The following ANK2 variants were observed in gnomAD, a reference collection of about 807,000 sequenced individuals.
ANK2 encodes the protein ankyrin 2.
In ANK2, 83 loss-of-function variants were observed where a neutral mutation model predicts 360.5. The observed-to-expected ratio is 0.23, with a 90% CI of 0.19 to 0.28. ANK2 has a LOEUF of 0.28. Ranked by LOEUF, ANK2 falls within the 10% of genes least tolerant of loss-of-function variation. ANK2 has a pLI of 1.00. For synonymous variants in ANK2, 1,740 were observed against 1,759.5 expected (o/e 0.99, Z 0.28); for missense variants, 4,201 against 4,795.7 (o/e 0.88, Z 3.66).
At chr4:112,783,085 T>A in the ANK2 span, among the ~76,000 whole-genome samples, 1 of 151,948 alleles carries the variant, frequency 6.6e-6, no homozygotes. Flanking sequence ...AATTTTTGTA[T>A]TTTTAGTAGA....
At chr4:113,251,421 T>TG (rs1440172131) in intron 10 of ANK2, among the ~76,000 whole-genome samples, 1 of 151,874 alleles carries the variant, frequency 6.6e-6, no homozygotes, top group Non-Finnish European at 1.5e-5. Flanking sequence ...AGATACAATT[T>TG]GCCAGGCAAG....
At chr4:112,814,168 A>G (rs1329987394), upstream of ANK2, among the ~76,000 whole-genome samples, 4 of 152,244 alleles carry the variant, frequency 2.6e-5, no homozygotes, top group East Asian at 1.9e-4. Context: ...TATCTTGCCT[A>G]AACACTATTA....
the ANK2 span, among the ~76,000 whole-genome samples, chr4:112,712,076 TTTTA>T: frequency 9.4e-5 from 14 of 148,698 alleles, no homozygotes; most frequent in Non-Finnish European, 1.6e-4. Flanking sequence ...ATATATTTAT[TTTTA>T]TTTATTTATT....
intron 1 of ANK2, chr4:113,071,836 A>G (rs193007592): frequency 6.6e-6 from 1 of 152,498 alleles, no homozygotes; most frequent in Non-Finnish European, 1.5e-5. Flanking sequence ...TAATTAACTC[A>G]CAGTTCCCAG....
At chr4:113,126,657 G>A (rs1208005805) in intron 1 of ANK2, among the ~76,000 whole-genome samples, 2 of 152,106 alleles carry the variant, frequency 1.3e-5, no homozygotes, top group East Asian at 1.9e-4. Flanking sequence ...GAAATCACAC[G>A]TTTCCATTAC....
chr4:112,955,833 T>A (rs2095305855), intron 2 of ANK2, among the ~76,000 whole-genome samples: 1 of 152,222 alleles, frequency 6.6e-6, no homozygotes, highest in South Asian at 2.1e-4. Flanking sequence ...ATGGATGTCA[T>A]CTTGTTTTCT....
At chr4:112,920,151 C>G (rs2091081129) in intron 2 of ANK2, among the ~76,000 whole-genome samples, 1 of 152,160 alleles carries the variant, frequency 6.6e-6, no homozygotes, top group South Asian at 2.1e-4. Context: ...GCCCAGGACT[C>G]TTTTTCACCA....
At chr4:113,109,200 A>G (rs1215591098) in intron 1 of ANK2, among the ~76,000 whole-genome samples, 1 of 152,154 alleles carries the variant, frequency 6.6e-6, no homozygotes, top group Non-Finnish European at 1.5e-5. Flanking sequence ...AAGTGATACT[A>G]CTTTGGGGAA....
In ANK2 at chr4:113,021,619, C is replaced by T. The variant is rs561129623; in HGVS notation, c.21+117105C>T. 8.4e-5 allele frequency among the ~76,000 whole-genome samples: 12 copies of T among 143,340 alleles called. No individual in the cohort carries two copies. The South Asian group carries it at 1.5e-3, about 18-fold the overall frequency. 94.0% of individuals were successfully genotyped at this position (143,340 alleles called of 152,430 possible). A position where few individuals can be genotyped will look rare whatever the true frequency, so the allele number is the denominator to read the frequency against. On this transcript the variant is annotated intron_variant, in intron 2 of 30. Coordinates refer to the ANK2 transcript ENST00000503271. Reference sequence around the variant, plus strand: ...TTTTGGGGTGTCGTGTTCTGAGCCCCGACACTGTCTTTATAAGGAGATAAC... The same window carrying T: ...TTTTGGGGTGTCGTGTTCTGAGCCCTGACACTGTCTTTATAAGGAGATAAC...
chr4:112,740,981 T>C, the ANK2 span, among the ~76,000 whole-genome samples: 1 of 151,370 alleles, frequency 6.6e-6, no homozygotes, highest in Non-Finnish European at 1.5e-5. Flanking sequence ...CAGGGTGAAC[T>C]CTGTCTCAAA....
At chr4:113,199,738 G>A (rs2153409105) in intron 4 of ANK2, among the ~76,000 whole-genome samples, 1 of 152,072 alleles carries the variant, frequency 6.6e-6, no homozygotes, top group Admixed American at 6.5e-5. Flanking sequence ...GTACGCATGT[G>A]GGGATTGAGA....
In ANK2 at chr4:113,367,660, T is replaced by G; in HGVS notation, c.11127T>G (p.Pro3709=). 6.2e-7 allele frequency: 1 copy of G among 1,613,932 alleles called. No individual in the cohort carries two copies. The highest frequency in any genetic ancestry group is 8.5e-7 in the Non-Finnish European group (1 of 1,179,976). ...AAGAAAGTGAGACCTGCGATCACCC[T>G]CCTATCGTCTCAGAGGAAGACATTT... ...VSKESETCDH[P]PIVSEEDISV... Residue 3709 remains proline, a synonymous_variant, in exon 42 of 46, where the codon CCT becomes CCG. Coordinates refer to ENST00000357077, the MANE Select transcript of ANK2 (RefSeq NM_001148.6).
chr4:113,372,472 A>G, intron 43 of ANK2: 1 of 1,053,780 alleles, frequency 9.5e-7, no homozygotes, highest in Non-Finnish European at 1.4e-6. Flanking sequence ...TAAAGAAGAA[A>G]CCAGTAGTGA....
chr4:112,883,018 CTTTTTTTTTTTTTTTTTTTT>C (rs536262490), intron 1 of ANK2, among the ~76,000 whole-genome samples: 1,334 of 30,524 alleles, frequency 0.044, 36 homozygotes, highest in African/African-American at 0.13. Flanking sequence ...CTTGGTTAGT[CTTTTTTTTTTTTTTTTTTTT>C]TTTTTTTTTT....
At chr4:113,381,428 G>C (rs761954281) in intron 45 of ANK2, 29 bp from the exon 46 acceptor site, 1 of 1,613,790 alleles carries the variant, frequency 6.2e-7, no homozygotes, top group South Asian at 1.1e-5. Flanking sequence ...TGAAAAGAGC[G>C]TAATTCTCTC....
chr4:113,093,447 T>C (rs566529135), intron 1 of ANK2, among the ~76,000 whole-genome samples: 2 of 152,212 alleles, frequency 1.3e-5, no homozygotes, highest in African/African-American at 4.8e-5. Flanking sequence ...CTGCAACCCC[T>C]GCCTCCCAGG....
intron 5 of ANK2, among the ~76,000 whole-genome samples, chr4:113,232,678 C>T (rs2099323840): frequency 1.5e-5 from 2 of 132,074 alleles, no homozygotes; most frequent in South Asian, 5.5e-4. Flanking sequence ...AGCACAGTTT[C>T]ATGAGGAATG....
chr4:112,951,933 A>G (rs528137296), intron 2 of ANK2, among the ~76,000 whole-genome samples: 22 of 152,224 alleles, frequency 1.4e-4, no homozygotes, highest in Non-Finnish European at 2.6e-4. Context: ...GATTTGACAC[A>G]TGGAGCTGTA....
the ANK2 span, among the ~76,000 whole-genome samples, chr4:112,705,725 A>G: frequency 6.6e-6 from 1 of 152,224 alleles, no homozygotes; most frequent in Non-Finnish European, 1.5e-5. Context: ...GGAGCTGTCC[A>G]TGAGCTCATG....
Sources: allele counts gnomAD v4.1 joint callset (sites outside exome capture counted in the v4.1 genomes callset), GRCh38; gene constraint gnomAD v4.1.1; transcripts MANE v1.5; gene names NCBI Gene and HGNC (gene_info 2026-07-23, HGNC 2026-07-21).